WDR31: variants seen among roughly 807,000 people sequenced by gnomAD.
WDR31 encodes the protein WD repeat-containing protein 31.
WDR31 carries 30 observed loss-of-function variants against 47.3 expected under a neutral mutation model. That is an observed-to-expected ratio of 0.63 (90% CI 0.47 to 0.86). The LOEUF is 0.86. Among genes scored for constraint, WDR31 ranks in the 40% least tolerant of loss-of-function variants. The probability of loss-of-function intolerance (pLI) is 0.00; values close to 1 mark genes in which losing one functional copy is unlikely to be tolerated. For missense variants in WDR31, 406 were observed against 442.9 expected, an observed-to-expected ratio of 0.92 and a Z score of 0.75; for synonymous variants, 137 against 159.4, an observed-to-expected ratio of 0.86 and a Z score of 1.06.
intron 3 of WDR31, 124 bp from the exon 4 acceptor site, chr9:113,331,240 T>G (rs1450979526): frequency 1.4e-6 from 1 of 704,272 alleles, no homozygotes; most frequent in Non-Finnish European, 2.1e-6. Flanking sequence ...GAGAAATATT[T>G]AAAAAGGAGA....
In WDR31 at chr9:113,324,826, ATATGTGTG is replaced by A. The variant is rs1473195521; in HGVS notation, c.325-1679_325-1672del. On this transcript the variant is annotated intron_variant, in intron 5 of 10. Coordinates refer to ENST00000374193, the MANE Select transcript of WDR31 (RefSeq NM_001012361.4). ...TTATAAACAATGCTGCTATATATAT[ATATGTGTG>A]TGTGTGTGTGTGTGTGTGTGTGTGT... Among the ~76,000 whole-genome samples the A allele has an allele frequency of 1.6e-4, 18 of 109,370 alleles. No homozygotes were observed. The East Asian group carries it at 2.2e-3, about 14-fold the overall frequency. 71.8% of individuals were successfully genotyped at this position (109,370 alleles called of 152,430 possible).
chr9:113,318,704 C>T (rs1208232092), intron 9 of WDR31, 67 bp from the exon 10 acceptor site: 1 of 1,554,398 alleles, frequency 6.4e-7, no homozygotes, highest in Non-Finnish European at 8.8e-7. Flanking sequence ...TATCTATCTC[C>T]CCCTACCCCC....
chr9:113,325,115 CT>C (rs112946694), intron 5 of WDR31, among the ~76,000 whole-genome samples: 5,011 of 144,348 alleles, frequency 0.035, 273 homozygotes, highest in African/African-American at 0.11. Flanking sequence ...CTGGCTAATT[CT>C]TTTTTTTTTT....
Position 113,316,470 on chromosome 9 carries a change from T to G in WDR31, c.*279A>C. The G allele has an allele frequency of 3.2e-6, 1 of 314,076 alleles. No homozygotes were observed. The highest frequency in any genetic ancestry group is 5.4e-5 in the East Asian group (1 of 18,564). The allele number at this position is 314,076 out of a possible 1,614,324, so 19.5% of individuals were successfully genotyped here. A position where few individuals can be genotyped will look rare whatever the true frequency, so the allele number is the denominator to read the frequency against. On this transcript the variant is annotated 3_prime_UTR_variant, in exon 11 of 11. Transcript: ENST00000374193. ...CAGGTCATCATTCTGAGCAATACAC[T>G]TTTTTTGAAGAGTAGTCCTAAAAGC...
Position 113,314,688 on chromosome 9 carries a change from C to T in WDR31, c.*2061G>A, listed in dbSNP as rs995397772. 22 of 152,378 alleles carry T rather than the reference C, an allele frequency of 1.4e-4. 1 individual carries two copies. Among genetic ancestry groups the T allele is most frequent in the African/African-American group, 5.3e-4 (22 of 41,382 alleles). 9.4% of individuals were successfully genotyped at this position (152,378 alleles called of 1,614,324 possible). A position where few individuals can be genotyped will look rare whatever the true frequency, so the allele number is the denominator to read the frequency against. ...GGAGTGCAATGGCACAATCTCGGCTCACCGCAACCTCCGCCTCCTGGGTTC... is the reference window on the plus strand; with the variant it reads ...GGAGTGCAATGGCACAATCTCGGCTTACCGCAACCTCCGCCTCCTGGGTTC... On this transcript the variant is annotated 3_prime_UTR_variant, in exon 11 of 11. Coordinates refer to ENST00000374193, the MANE Select transcript of WDR31 (RefSeq NM_001012361.4).
At chr9:113,329,043 T>A in intron 4 of WDR31, 88 bp from the exon 5 acceptor site, 1 of 1,225,974 alleles carries the variant, frequency 8.2e-7, no homozygotes, top group South Asian at 1.2e-5. Context: ...ACTTTCTCCC[T>A]CCTCACTCAC....
Position 113,316,783 on chromosome 9 carries a change from T to G in WDR31, c.1070A>C (p.Gln357Pro), listed in dbSNP as rs1833213392. Residue 357 changes from glutamine (Q) to proline (P), a missense_variant, in exon 11 of 11, where the codon CAA (glutamine) becomes CCA (proline). Transcript: ENST00000374193. ...TGCCACTTCCTGCAGTTCCAGCCCT[T>G]GGCTGTGGTCCATTCTGAGTAAGTG... is the stretch of plus-strand genomic sequence containing the variant. The part of the protein sequence containing the change: ...GIHLLRMDHS[Q>P]GLELQEVAAF 1 of 1,614,186 alleles carries G rather than the reference T, an allele frequency of 6.2e-7. No individual in the cohort carries two copies. The highest frequency in any genetic ancestry group is 8.5e-7 in the Non-Finnish European group (1 of 1,180,026).
At chr9:113,324,824 A>ATGTG (rs1208174479) in intron 5 of WDR31, among the ~76,000 whole-genome samples, 19 of 93,092 alleles carry the variant, frequency 2.0e-4, no homozygotes, top group African/African-American at 9.4e-4. Context: ...TGCTATATAT[A>ATGTG]TATATGTGTG....
chr9:113,328,638 GT>G (rs1833528438), intron 5 of WDR31, among the ~76,000 whole-genome samples: 1 of 152,170 alleles, frequency 6.6e-6, no homozygotes, highest in South Asian at 2.1e-4. Context: ...TATCAGCTGT[GT>G]TCTGTTTACT....
chr9:113,320,495 TA>T lies in WDR31; in HGVS notation c.641del (p.Leu214TyrfsTer9). Reference protein sequence around the residue: ...LQTSEDKTLRLWDSRGLQVAH... With the variant: ...LQTSEDKTLRXWDSRGLQVAH... Reference sequence around the variant, plus strand: ...CTACCTGCAGCCCCCGACTGTCCCATAATCTGAAAGAGATTAGGGCAGGAAA... The same window carrying T: ...CTACCTGCAGCCCCCGACTGTCCCATATCTGAAAGAGATTAGGGCAGGAAA... On this transcript the variant is annotated frameshift_variant and splice_region_variant, in exon 9 of 11. Transcript: ENST00000374193. LOFTEE classifies it high-confidence loss of function. 6.2e-7 allele frequency: 1 copy of T among 1,613,636 alleles called. No homozygotes were observed. Among genetic ancestry groups the T allele is most frequent in the Non-Finnish European group, 8.5e-7 (1 of 1,179,754 alleles).
chr9:113,336,136 C>T (rs1011898162), intron 2 of WDR31, among the ~76,000 whole-genome samples, 152 bp downstream of exon 2: 1 of 152,210 alleles, frequency 6.6e-6, no homozygotes, highest in Non-Finnish European at 1.5e-5. Flanking sequence ...ATGACAGATG[C>T]CATTCATAGA....
rs1833181502 is a variant in WDR31, at chr9:113,315,774, C to CGGG, written c.*974_*975insCCC. ...CTCTGCCTCCCAGGTTCAAGTGATT[C>CGGG]TCCCATCTCAGCCTCCCGAGTAGCT... On this transcript the variant is annotated 3_prime_UTR_variant, in exon 11 of 11. Transcript: ENST00000374193. 1 of 151,556 alleles carries CGGG rather than the reference C, an allele frequency of 6.6e-6. No individual in the cohort carries two copies. The highest frequency in any genetic ancestry group is 1.5e-5 in the Non-Finnish European group (1 of 68,052). 9.4% of individuals were successfully genotyped at this position (151,556 alleles called of 1,614,324 possible). A position where few individuals can be genotyped will look rare whatever the true frequency, so the allele number is the denominator to read the frequency against.
chr9:113,315,934 T>C lies in WDR31; in HGVS notation c.*815A>G, dbSNP rs1300954948. 2 of 152,224 alleles carry C rather than the reference T, an allele frequency of 1.3e-5. No homozygotes were observed. Among genetic ancestry groups the C allele is most frequent in the African/African-American group, 2.4e-5 (1 of 41,464 alleles). 9.4% of individuals were successfully genotyped at this position (152,224 alleles called of 1,614,324 possible). A position where few individuals can be genotyped will look rare whatever the true frequency, so the allele number is the denominator to read the frequency against. On this transcript the variant is annotated 3_prime_UTR_variant, in exon 11 of 11. Transcript: ENST00000374193. ...CTCACTCTGGCCATTCCAAAACATA[T>C]ATATGTTTCATTTATATAAATCCAA...
At position 113,313,807 on chromosome 9, in the gene WDR31, A is replaced by C. The variant is rs985107628; in HGVS notation, c.*2942T>G. The C allele has an allele frequency of 6.6e-6, 1 of 152,216 alleles. No homozygotes were observed. Among genetic ancestry groups the C allele is most frequent in the Non-Finnish European group, 1.5e-5 (1 of 68,040 alleles). 9.4% of individuals were successfully genotyped at this position (152,216 alleles called of 1,614,324 possible). Reference sequence around the variant, plus strand: ...CTATCTCTTTGTCTTTCCAGAGTTGAAAGACCCATAACAAGGAATCAAAGG... The same window carrying C: ...CTATCTCTTTGTCTTTCCAGAGTTGCAAGACCCATAACAAGGAATCAAAGG... On this transcript the variant is annotated 3_prime_UTR_variant, in exon 11 of 11. Transcript: ENST00000374193.
At chr9:113,318,212 T>G (rs770102914) in intron 10 of WDR31, among the ~76,000 whole-genome samples, 1 of 152,226 alleles carries the variant, frequency 6.6e-6, no homozygotes, top group Non-Finnish European at 1.5e-5. Context: ...ATATTTTGAG[T>G]GTCACAAGTT....
chr9:113,326,935 A>C (rs773426044), intron 5 of WDR31, among the ~76,000 whole-genome samples: 2 of 152,082 alleles, frequency 1.3e-5, no homozygotes, highest in Non-Finnish European at 2.9e-5. Flanking sequence ...TCATGGACTC[A>C]AGTGATCCTT....
rs76527026 is a variant in WDR31 at position 113,326,882 on chromosome 9, G to T, written c.324+1999C>A. On this transcript the variant is annotated intron_variant, in intron 5 of 10. Transcript: ENST00000374193. ...ACTAAGATCTTGCTCTGTCGCCAAG[G>T]CTGGATGCAGTGAAATCATCACAGC... is the stretch of plus-strand genomic sequence containing the variant. Among the ~76,000 whole-genome samples, 1,438 of 152,064 alleles carry T rather than the reference G, an allele frequency of 9.5e-3. 21 individuals carry two copies. Among genetic ancestry groups the T allele is most frequent in the African/African-American group, 0.033 (1,355 of 41,470 alleles).
chr9:113,335,382 A>T (rs536151142), intron 2 of WDR31, among the ~76,000 whole-genome samples: 1 of 152,198 alleles, frequency 6.6e-6, no homozygotes, highest in Non-Finnish European at 1.5e-5. Flanking sequence ...ACTGGCTGTG[A>T]TATCAGATAG....
chr9:113,321,547 G>T lies in WDR31; in HGVS notation c.602C>A (p.Pro201Gln). 1 of 1,614,164 alleles carries T rather than the reference G, an allele frequency of 6.2e-7. No homozygotes were observed. The highest frequency in any genetic ancestry group is 8.5e-7 in the Non-Finnish European group (1 of 1,180,024). ...ATCTTCAGAGGTCTGTAGTATGTAT[G>T]GTTCTCTGGGGACCCAGCACAGGTG... ...VTHLCWVPRE[P>Q]YILQTSEDKT... The change falls in exon 8 of 11, where the codon CCA becomes CAA. Residue 201 changes from proline (P) to glutamine (Q), a missense_variant. Physicochemically the swap from Pro to Gln is moderately conservative, Grantham distance 76 (BLOSUM62 -1). Coordinates refer to ENST00000374193, the MANE Select transcript of WDR31 (RefSeq NM_001012361.4).
Sources: gnomAD v4.1 joint callset for allele counts (sites outside exome capture counted in the v4.1 genomes callset) on GRCh38, gnomAD v4.1.1 for gene constraint, MANE v1.5 for transcripts, NCBI Gene and HGNC (gene_info 2026-07-23, HGNC 2026-07-21) for gene names.